Variants in SEMA4D observed in about 807,000 individuals in gnomAD.
The protein encoded by SEMA4D is semaphorin 4D.
A neutral mutation model predicts 74.8 loss-of-function variants in SEMA4D; 22 were observed. The observed-to-expected ratio is 0.29, with a 90% confidence interval of 0.21 to 0.42. SEMA4D has a LOEUF of 0.42. Among genes scored for constraint, SEMA4D ranks in the 10% least tolerant of loss-of-function variants. SEMA4D has a pLI of 1.00. For missense variants in SEMA4D, 937 were observed against 1,118.4 expected, an observed-to-expected ratio of 0.84 and a Z score of 2.31; for synonymous variants, 445 against 463.7, an observed-to-expected ratio of 0.96 and a Z score of 0.52.
At chr9:89,372,744 T>C (rs1835287006), downstream of SEMA4D, among the ~76,000 whole-genome samples, 1 of 151,946 alleles carries the variant, frequency 6.6e-6, no homozygotes, top group Admixed American at 6.5e-5. Flanking sequence ...ACCCCTCTTG[T>C]CACTGAGCCC....
intron 13 of SEMA4D, chr9:89,385,765 G>A: frequency 2.2e-6 from 1 of 459,430 alleles, no homozygotes; most frequent in Non-Finnish European, 2.9e-6. Context: ...GCTCCCAGCT[G>A]AGGGAGGAGA....
At chr9:89,439,226 C>A (rs1375805884) in intron 2 of SEMA4D, among the ~76,000 whole-genome samples, 1 of 152,086 alleles carries the variant, frequency 6.6e-6, no homozygotes, top group Non-Finnish European at 1.5e-5. Context: ...ATGATCCGCC[C>A]ACCTTGGCTT....
At chr9:89,445,357 T>C (rs1007073186) in intron 2 of SEMA4D, among the ~76,000 whole-genome samples, 2 of 152,232 alleles carry the variant, frequency 1.3e-5, no homozygotes, top group East Asian at 3.8e-4. Context: ...GCAGCAGCTC[T>C]CACCAGTGAC....
intron 7 of SEMA4D, among the ~76,000 whole-genome samples, chr9:89,392,875 C>T (rs375197831): frequency 8.5e-5 from 13 of 152,248 alleles, no homozygotes; most frequent in South Asian, 4.1e-4. Context: ...TACAGGTGCG[C>T]GCCACCATGT....
chr9:89,479,285 A>G (rs1055028175), intron 1 of SEMA4D, among the ~76,000 whole-genome samples: 19 of 152,186 alleles, frequency 1.2e-4, no homozygotes, highest in Admixed American at 1.2e-3. Flanking sequence ...CAGCAAGGGG[A>G]CAGACACCCT....
At position 89,381,119 on chromosome 9, in the gene SEMA4D, G is replaced by A. The variant is rs760812803; in HGVS notation, c.1620-21C>T. On this transcript the variant is annotated intron_variant, in intron 14 of 15. Coordinates refer to ENST00000422704, the MANE Select transcript of SEMA4D (RefSeq NM_001371194.2). The surrounding 1 kb of genome is among the most constrained non-coding windows in gnomAD (Gnocchi z 4.6). ...AACCCCTGCAAAACAACCGGCACGT[G>A]TTATTCACCCACACACATGGGGGAC... 1.2e-6 allele frequency: 2 copies of A among 1,614,008 alleles called. No individual in the cohort carries two copies. Among genetic ancestry groups the A allele is most frequent in the African/African-American group, 2.7e-5 (2 of 74,936 alleles).
intron 1 of SEMA4D, among the ~76,000 whole-genome samples, chr9:89,473,593 A>G (rs1268845053): frequency 6.6e-6 from 1 of 152,184 alleles, no homozygotes; most frequent in Admixed American, 6.5e-5. Context: ...ATGGTGCCTC[A>G]TGCCTGTAAT....
At chr9:89,456,358 C>A (rs1482526243) in intron 1 of SEMA4D, among the ~76,000 whole-genome samples, 1 of 152,232 alleles carries the variant, frequency 6.6e-6, no homozygotes, top group African/African-American at 2.4e-5. Context: ...CCCTGTGACC[C>A]ACAATGAAGG....
chr9:89,486,184 T>G (rs149118173), intron 1 of SEMA4D, among the ~76,000 whole-genome samples: 203 of 152,324 alleles, frequency 1.3e-3, no homozygotes, highest in African/African-American at 4.7e-3. Flanking sequence ...ATTGCTTTAT[T>G]TACTGCTCAA....
chr9:89,434,001 A>G (rs1033883472), intron 2 of SEMA4D, among the ~76,000 whole-genome samples: 2 of 152,234 alleles, frequency 1.3e-5, no homozygotes, highest in African/African-American at 2.4e-5. Flanking sequence ...TGACTCACAC[A>G]TAGCACTTGG....
intron 2 of SEMA4D, among the ~76,000 whole-genome samples, chr9:89,423,253 G>A (rs1014615513): frequency 1.3e-5 from 2 of 150,764 alleles, no homozygotes; most frequent in Non-Finnish European, 2.9e-5. Context: ...GTGCAATGGC[G>A]TGATCTCGGC....
chr9:89,479,435 C>G (rs914740348), intron 1 of SEMA4D: 12 of 154,126 alleles, frequency 7.8e-5, no homozygotes, highest in Admixed American at 2.6e-4. Context: ...CAGCCCCGTC[C>G]TCGTTGGGCA....
At chr9:89,443,615 C>T (rs376058262) in intron 2 of SEMA4D, among the ~76,000 whole-genome samples, 3 of 152,340 alleles carry the variant, frequency 2.0e-5, no homozygotes, top group Non-Finnish European at 2.9e-5. Flanking sequence ...GGCCCTGCAG[C>T]GCTCAGCTGC....
intron 16 of SEMA4D, among the ~76,000 whole-genome samples, chr9:89,366,246 G>T (rs1284027629): frequency 6.6e-6 from 1 of 152,214 alleles, no homozygotes; most frequent in Non-Finnish European, 1.5e-5. Flanking sequence ...CCCAAAAATG[G>T]CTGGGATGCT....
chr9:89,385,397 G>A, intron 13 of SEMA4D: 3 of 985,406 alleles, frequency 3.0e-6, no homozygotes, highest in Non-Finnish European at 3.6e-6. Context: ...AAGAGCTTCT[G>A]GGTCCCCTTC....
At chr9:89,384,604 C>T (rs571611929) in intron 13 of SEMA4D, 26 of 934,904 alleles carry the variant, frequency 2.8e-5, no homozygotes, top group African/African-American at 1.6e-4. Context: ...ATGCCACTGA[C>T]GTGCACAATG....
At chr9:89,478,140 C>A (rs540097405) in intron 1 of SEMA4D, among the ~76,000 whole-genome samples, 1 of 152,196 alleles carries the variant, frequency 6.6e-6, no homozygotes, top group Non-Finnish European at 1.5e-5. Context: ...CAGCTCAGCC[C>A]GCGCAGTATT....
chr9:89,387,655 G>C (rs188940458), intron 11 of SEMA4D, 47 bp from the exon 12 acceptor site: 3 of 1,559,728 alleles, frequency 1.9e-6, no homozygotes, highest in South Asian at 1.1e-5. Flanking sequence ...GTCCCACCAC[G>C]CAACGGGTGC....
At chr9:89,374,822 G>A (rs911607861), downstream of SEMA4D, among the ~76,000 whole-genome samples, 1 of 152,208 alleles carries the variant, frequency 6.6e-6, no homozygotes, top group Non-Finnish European at 1.5e-5. Context: ...GGAGGCCAAG[G>A]CAGGTGGATC....
Sources: gnomAD v4.1 joint callset for allele counts (sites outside exome capture counted in the v4.1 genomes callset) on GRCh38, gnomAD v4.1.1 for gene constraint, Gnocchi (gnomAD v3.1) non-coding constraint, MANE v1.5 for transcripts, NCBI Gene and HGNC (gene_info 2026-07-23, HGNC 2026-07-21) for gene names.